Variants in NUDT3 observed in about 807,000 individuals in gnomAD.
NUDT3 encodes diphosphoinositol polyphosphate phosphohydrolase 1.
NUDT3 carries 9 observed loss-of-function variants against 23.6 expected under a neutral mutation model. That is an observed-to-expected ratio of 0.38 (90% CI 0.23 to 0.66). NUDT3 has a LOEUF of 0.66. NUDT3 is among the 30% of genes least tolerant of loss of function. NUDT3 has a pLI of 0.52. For synonymous variants in NUDT3, 86 were observed against 82.6 expected (o/e 1.04, Z -0.22); for missense variants, 172 against 218.5 (o/e 0.79, Z 1.34).
intron 2 of NUDT3, among the ~76,000 whole-genome samples, chr6:34,300,656 G>C (rs577892527): frequency 6.6e-6 from 1 of 152,230 alleles, no homozygotes; most frequent in Non-Finnish European, 1.5e-5. Flanking sequence ...AAGAAATCTA[G>C]TAAGAAGCTG....
chr6:34,325,406 TCC>T (rs1234914646), intron 2 of NUDT3, among the ~76,000 whole-genome samples: 10 of 152,120 alleles, frequency 6.6e-5, no homozygotes, highest in South Asian at 2.1e-4. Flanking sequence ...AGATAAGGTC[TCC>T]CTTTGTTGCC....
intron 1 of NUDT3, among the ~76,000 whole-genome samples, chr6:34,388,090 G>A (rs182485013): frequency 1.3e-5 from 2 of 152,118 alleles, no homozygotes; most frequent in East Asian, 3.9e-4. Context: ...CATTACAATT[G>A]CCTATTTATT....
chr6:34,350,013 C>T (rs910543121), intron 1 of NUDT3, among the ~76,000 whole-genome samples: 3 of 149,736 alleles, frequency 2.0e-5, no homozygotes, highest in Non-Finnish European at 4.4e-5. Context: ...GGCGTGAATC[C>T]GGGGGGTGGA....
chr6:34,373,963 G>C (rs1764879641), intron 1 of NUDT3, among the ~76,000 whole-genome samples: 1 of 152,010 alleles, frequency 6.6e-6, no homozygotes, highest in Admixed American at 6.6e-5. Flanking sequence ...AGACCAGCCT[G>C]GCCAACATGG....
chr6:34,295,920 C>T (rs1441817743), intron 2 of NUDT3, among the ~76,000 whole-genome samples: 1 of 152,258 alleles, frequency 6.6e-6, no homozygotes, highest in East Asian at 1.9e-4. Context: ...TGGTCTCTCT[C>T]CCTACTGCAA....
Position 34,288,373 on chromosome 6 carries a change from TA to T in NUDT3, c.*379del, listed in dbSNP as rs562295837. On this transcript the variant is annotated 3_prime_UTR_variant, in exon 5 of 5. Coordinates refer to ENST00000607016, the MANE Select transcript of NUDT3 (RefSeq NM_006703.4). ...TTCATCTCATACTGGTATCTTTTAA[TA>T]AAAAAAAAAAATTAAAAATCAAAGA... 3,240 of 157,428 alleles carry T rather than the reference TA, an allele frequency of 0.021. 33 individuals carry two copies. Among genetic ancestry groups the T allele is most frequent in the Non-Finnish European group, 0.029 (2,181 of 74,548 alleles). 9.8% of individuals were successfully genotyped at this position (157,428 alleles called of 1,614,324 possible). A position where few individuals can be genotyped will look rare whatever the true frequency, so the allele number is the denominator to read the frequency against.
rs118137905 is a variant in NUDT3 at position 34,368,325 on chromosome 6, G to A, written c.99+23939C>T. ...TCTCCTTCTTCCCTACCAAGTAGCT[G>A]GAGCCTGAGAAGGCCTATCTCTTTA... On this transcript the variant is annotated intron_variant, in intron 1 of 4. Transcript: ENST00000607016. Among the ~76,000 whole-genome samples the A allele has an allele frequency of 1.2e-3, 182 of 152,268 alleles. 1 individual carries two copies. In the East Asian group the frequency reaches 0.013, roughly 11 times the overall value.
chr6:34,304,975 A>ATTTTTTT (rs535349190), intron 2 of NUDT3, among the ~76,000 whole-genome samples: 1 of 85,352 alleles, frequency 1.2e-5, no homozygotes, highest in Non-Finnish European at 2.1e-5. Context: ...CCCGGTCTGA[A>ATTTTTTT]TTTTTTTTTT....
In NUDT3 at chr6:34,288,387, T is replaced by TA. The variant is rs2113689123; in HGVS notation, c.*365dup. 2 of 174,712 alleles carry TA rather than the reference T, an allele frequency of 1.1e-5. No homozygotes were observed. Among genetic ancestry groups the TA allele is most frequent in the African/African-American group, 4.8e-5 (2 of 42,012 alleles). The allele number at this position is 174,712 out of a possible 1,614,324, so 10.8% of individuals were successfully genotyped here. ...GTATCTTTTAATAAAAAAAAAAAAT[T>TA]AAAAATCAAAGAAAACGTCTGGCCA... On this transcript the variant is annotated 3_prime_UTR_variant, in exon 5 of 5. Coordinates refer to ENST00000607016, the MANE Select transcript of NUDT3 (RefSeq NM_006703.4).
At chr6:34,335,930 T>G (rs1764202283) in intron 2 of NUDT3, among the ~76,000 whole-genome samples, 1 of 152,030 alleles carries the variant, frequency 6.6e-6, no homozygotes, top group East Asian at 1.9e-4. Context: ...CATAATAATT[T>G]TAAGTATTTA....
intron 1 of NUDT3, among the ~76,000 whole-genome samples, chr6:34,359,343 A>T (rs1455336386): frequency 6.6e-6 from 1 of 152,236 alleles, no homozygotes; most frequent in African/African-American, 2.4e-5. Context: ...ACTGCACTCC[A>T]GCCTGGGGGA....
rs1416031932 is a variant in NUDT3, at chr6:34,288,641, TGCCTTATTTGAAAGAGGAG to T, written c.*93_*111del. On this transcript the variant is annotated 3_prime_UTR_variant, in exon 5 of 5. Coordinates refer to ENST00000607016, the MANE Select transcript of NUDT3 (RefSeq NM_006703.4). ...TACACCCTTTCTTTGCTGCCCACCATGCCTTATTTGAAAGAGGAGGCCTGTGAGAAGTGGAAAGAGCCAG... is the reference window on the plus strand; with the variant it reads ...TACACCCTTTCTTTGCTGCCCACCATGCCTGTGAGAAGTGGAAAGAGCCAG... The T allele has an allele frequency of 2.2e-6, 3 of 1,388,392 alleles. No homozygotes were observed. Among genetic ancestry groups the T allele is most frequent in the Non-Finnish European group, 1.9e-6 (2 of 1,030,016 alleles). The allele number at this position is 1,388,392 out of a possible 1,614,324, so 86.0% of individuals were successfully genotyped here.
chr6:34,303,165 C>T (rs1056317728), intron 2 of NUDT3, among the ~76,000 whole-genome samples: 5 of 147,520 alleles, frequency 3.4e-5, no homozygotes, highest in East Asian at 2.0e-4. Flanking sequence ...CTGAGTAACG[C>T]GGATCACAGA....
chr6:34,375,453 G>C (rs1028225399), intron 1 of NUDT3, among the ~76,000 whole-genome samples: 1 of 152,172 alleles, frequency 6.6e-6, no homozygotes, highest in Admixed American at 6.5e-5. Flanking sequence ...ATACACAGAA[G>C]GCCCACAATT....
intron 2 of NUDT3, among the ~76,000 whole-genome samples, chr6:34,321,007 G>C (rs1036037636): frequency 6.6e-6 from 1 of 152,128 alleles, no homozygotes; most frequent in African/African-American, 2.4e-5. Context: ...GGTGGCAAAA[G>C]GATAGGGCAC....
intron 1 of NUDT3, among the ~76,000 whole-genome samples, chr6:34,351,735 C>T (rs1764480964): frequency 8.3e-6 from 1 of 119,872 alleles, no homozygotes; most frequent in South Asian, 2.6e-4. Flanking sequence ...GAGTCAAACT[C>T]TGTCTCAAAA....
chr6:34,300,244 G>A (rs1052052305), intron 2 of NUDT3, among the ~76,000 whole-genome samples: 1 of 152,148 alleles, frequency 6.6e-6, no homozygotes, highest in Non-Finnish European at 1.5e-5. Context: ...TCTACCACAA[G>A]GAATCCTGAC....
chr6:34,333,023 C>A (rs535264052), intron 2 of NUDT3, among the ~76,000 whole-genome samples: 7 of 152,112 alleles, frequency 4.6e-5, no homozygotes, highest in African/African-American at 1.7e-4. Flanking sequence ...TACAGAAAGA[C>A]TATCACATGG....
intron 1 of NUDT3, among the ~76,000 whole-genome samples, chr6:34,371,745 T>C (rs1364941135): frequency 6.6e-6 from 1 of 151,940 alleles, no homozygotes; most frequent in Admixed American, 6.6e-5. Context: ...TTTTTTATTA[T>C]TGTTATTTTT....
Sources: gnomAD v4.1 joint callset for allele counts (sites outside exome capture counted in the v4.1 genomes callset) on GRCh38, gnomAD v4.1.1 for gene constraint, MANE v1.5 for transcripts, NCBI Gene and HGNC (gene_info 2026-07-23, HGNC 2026-07-21) for gene names.